The following GRHL2 variants were observed in gnomAD, a reference collection of about 807,000 sequenced individuals.
The protein encoded by GRHL2 is grainyhead like transcription factor 2.
In GRHL2, 21 loss-of-function variants were observed where a neutral mutation model predicts 83.8. The observed-to-expected ratio is 0.25, with a 90% CI of 0.18 to 0.36. The LOEUF (loss-of-function observed/expected upper bound fraction) is 0.36, where lower values mean the gene tolerates loss of function less well. GRHL2 is among the 10% of genes least tolerant of loss of function. The pLI is 1.00. For synonymous variants in GRHL2, 280 were observed against 278.9 expected, an observed-to-expected ratio of 1.00 and a Z score of -0.04; for missense variants, 623 against 781.8, an observed-to-expected ratio of 0.80 and a Z score of 2.42.
chr8:101,603,930 C>G (rs1166710591), intron 8 of GRHL2, among the ~76,000 whole-genome samples: 1 of 150,216 alleles, frequency 6.7e-6, no homozygotes, highest in Non-Finnish European at 1.5e-5. Context: ...CAGACCTGAA[C>G]TCCAGATTCT....
At chr8:101,586,617 A>G (rs1812177035) in intron 7 of GRHL2, among the ~76,000 whole-genome samples, 1 of 152,196 alleles carries the variant, frequency 6.6e-6, no homozygotes, top group Non-Finnish European at 1.5e-5. Context: ...ATCCTACTAG[A>G]CGCTGAACTT....
intron 1 of GRHL2, among the ~76,000 whole-genome samples, chr8:101,498,797 C>T (rs745546733): frequency 3.9e-5 from 6 of 152,036 alleles, no homozygotes; most frequent in East Asian, 1.9e-4. Flanking sequence ...TGGATAAAGC[C>T]GGGCGTGGTG....
chr8:101,572,732 G>A (rs1224449277), intron 5 of GRHL2, among the ~76,000 whole-genome samples: 1 of 152,184 alleles, frequency 6.6e-6, no homozygotes, highest in Non-Finnish European at 1.5e-5. Context: ...GTTCATACCT[G>A]TTGTGTTATT....
intron 7 of GRHL2, among the ~76,000 whole-genome samples, chr8:101,592,997 A>G (rs1563597185): frequency 6.6e-6 from 1 of 152,156 alleles, no homozygotes; most frequent in Non-Finnish European, 1.5e-5. Flanking sequence ...CCCAAGCTGG[A>G]GTGCAATGGT....
chr8:101,590,874 C>G (rs976452687), intron 7 of GRHL2, among the ~76,000 whole-genome samples: 23 of 152,298 alleles, frequency 1.5e-4, no homozygotes, highest in African/African-American at 5.1e-4. Context: ...CAGACAGAAT[C>G]CGCACCTTTC....
intron 1 of GRHL2, among the ~76,000 whole-genome samples, chr8:101,539,439 C>T (rs1811107457): frequency 6.6e-6 from 1 of 152,068 alleles, no homozygotes; most frequent in African/African-American, 2.4e-5. Context: ...GACCAGGCAC[C>T]GAGGGTGGCC....
intron 8 of GRHL2, among the ~76,000 whole-genome samples, chr8:101,609,331 G>T (rs1812701400): frequency 8.0e-6 from 1 of 124,304 alleles, no homozygotes; most frequent in African/African-American, 3.9e-5. Flanking sequence ...TTCGTAGATT[G>T]TTAGAAACAC....
At chr8:101,677,146 G>A in the GRHL2 span, among the ~76,000 whole-genome samples, 1 of 151,670 alleles carries the variant, frequency 6.6e-6, no homozygotes, top group Non-Finnish European at 1.5e-5. Flanking sequence ...ACACCAGCAT[G>A]GCACATGTAT....
intron 1 of GRHL2, among the ~76,000 whole-genome samples, chr8:101,494,815 T>A (rs555486609): frequency 1.3e-5 from 2 of 152,344 alleles, no homozygotes; most frequent in African/African-American, 2.4e-5. Context: ...ACCACACGCA[T>A]CACCTGGTTT....
At chr8:101,653,789 G>A (rs919596388) in intron 14 of GRHL2, among the ~76,000 whole-genome samples, 3 of 151,928 alleles carry the variant, frequency 2.0e-5, no homozygotes, top group Non-Finnish European at 2.9e-5. Context: ...CCCCACCCAT[G>A]ATCTTCAGAA....
chr8:101,678,028 A>T, the GRHL2 span, among the ~76,000 whole-genome samples: 2 of 152,184 alleles, frequency 1.3e-5, no homozygotes, highest in African/African-American at 4.8e-5. Flanking sequence ...AAAACCAGAA[A>T]ATTTCAGTAA....
intron 7 of GRHL2, among the ~76,000 whole-genome samples, chr8:101,592,883 A>G (rs1391402177): frequency 1.3e-5 from 2 of 152,180 alleles, no homozygotes; most frequent in Non-Finnish European, 2.9e-5. Flanking sequence ...TGACATTAAC[A>G]ATGAGATTAA....
At position 101,632,385 on chromosome 8, in the gene GRHL2, G is replaced by A. The variant is rs770348363; in HGVS notation, c.1485+20G>A. 6.8e-6 allele frequency: 11 copies of A among 1,613,508 alleles called. No homozygotes were observed. The highest frequency in any genetic ancestry group is 3.3e-5 in the South Asian group (3 of 91,078). On this transcript the variant is annotated intron_variant, in intron 11 of 15. Transcript: ENST00000646743. Reference sequence around the variant, plus strand: ...GGACAGGTATGACCTACCAGCTAACGCCCACCTCCCATCCATCCACAGGGC... The same window carrying A: ...GGACAGGTATGACCTACCAGCTAACACCCACCTCCCATCCATCCACAGGGC...
At chr8:101,570,570 C>T (rs1811801401) in intron 5 of GRHL2, among the ~76,000 whole-genome samples, 176 bp downstream of exon 5, 1 of 151,846 alleles carries the variant, frequency 6.6e-6, no homozygotes, top group Non-Finnish European at 1.5e-5. Context: ...TATTTCCAGT[C>T]TTGGACAATT....
At chr8:101,599,412 G>T (rs906259156) in intron 8 of GRHL2, among the ~76,000 whole-genome samples, 2 of 152,152 alleles carry the variant, frequency 1.3e-5, no homozygotes, top group Non-Finnish European at 2.9e-5. Flanking sequence ...GGAAGATGGG[G>T]CCTGAAAACC....
At chr8:101,569,931 A>G (rs1811787841) in intron 4 of GRHL2, among the ~76,000 whole-genome samples, 1 of 152,242 alleles carries the variant, frequency 6.6e-6, no homozygotes, top group Non-Finnish European at 1.5e-5. Context: ...TATGTTCTTA[A>G]CCATTCTACT....
intron 4 of GRHL2, among the ~76,000 whole-genome samples, chr8:101,566,855 T>G (rs1288947584): frequency 1.3e-5 from 2 of 151,852 alleles, no homozygotes; most frequent in Non-Finnish European, 2.9e-5. Flanking sequence ...TTTGTAGTTT[T>G]TAAAATATTT....
chr8:101,567,851 T>TAA lies in GRHL2; in HGVS notation c.679-2488_679-2487insAA, dbSNP rs1332407129. 2.4e-3 allele frequency among the ~76,000 whole-genome samples: 370 copies of TAA among 152,354 alleles called. 5 individuals are homozygous for TAA. Among genetic ancestry groups the TAA allele is most frequent in the African/African-American group, 8.3e-3 (344 of 41,582 alleles). On this transcript the variant is annotated intron_variant, in intron 4 of 15. Coordinates refer to ENST00000646743, the MANE Select transcript of GRHL2 (RefSeq NM_024915.4). ...TTAGGAGGTTAGCCTATCCTCAGGC[T>TAA]GCAGAAATCTATGGCATGGATGGTA...
chr8:101,623,697 CAG>C (rs1375532571), intron 9 of GRHL2, among the ~76,000 whole-genome samples: 2 of 152,014 alleles, frequency 1.3e-5, no homozygotes, highest in African/African-American at 4.8e-5. Flanking sequence ...CACAGTAGGA[CAG>C]AACACAGTAG....
Sources: allele counts gnomAD v4.1 joint callset (sites outside exome capture counted in the v4.1 genomes callset), GRCh38; gene constraint gnomAD v4.1.1; transcripts MANE v1.5; gene names NCBI Gene and HGNC (gene_info 2026-07-23, HGNC 2026-07-21).